The following DMD variants were observed in gnomAD, a reference collection of about 807,000 sequenced individuals.
The protein encoded by DMD is dystrophin.
A neutral mutation model predicts 330.1 loss-of-function variants in DMD; 63 were observed. The ratio of observed to expected loss-of-function variants is 0.19; its 90% CI spans 0.16 to 0.24. The LOEUF (loss-of-function observed/expected upper bound fraction) is 0.24, where lower values mean the gene tolerates loss of function less well. Among genes scored for constraint, DMD ranks in the 10% least tolerant of loss-of-function variants. DMD has a pLI of 1.00. For missense variants in DMD, 3,344 were observed against 2,684.1 expected (o/e 1.25, Z -5.43); for synonymous variants, 1,223 against 959.8 (o/e 1.27, Z -5.07).
chrX:32,100,424 G>A (rs2096534377), intron 44 of DMD, among the ~76,000 whole-genome samples: 1 of 107,352 alleles, frequency 9.3e-6, no homozygotes, highest in South Asian at 4.0e-4. Context: ...TACGGAAAAT[G>A]TAAATGCATT....
At chrX:31,526,896 G>A (rs1360061010) in intron 55 of DMD, among the ~76,000 whole-genome samples, 1 of 112,164 alleles carries the variant, frequency 8.9e-6, no homozygotes, top group East Asian at 2.8e-4. Context: ...GATCACTTCA[G>A]CCCAGGAATC....
At chrX:31,509,757 C>T (rs1016832995) in intron 55 of DMD, among the ~76,000 whole-genome samples, 11 of 111,850 alleles carry the variant, frequency 9.8e-5, no homozygotes, top group Non-Finnish European at 1.9e-4. Flanking sequence ...GTATTATCAA[C>T]AAATAAATGA....
intron 7 of DMD, among the ~76,000 whole-genome samples, chrX:32,731,206 G>A (rs2067581819): frequency 8.9e-6 from 1 of 112,257 alleles, no homozygotes; most frequent in Non-Finnish European, 1.9e-5. Flanking sequence ...TTTCCGACGG[G>A]CTTAAAAAAC....
At chrX:32,695,976 T>TG (rs775620507) in intron 9 of DMD, among the ~76,000 whole-genome samples, 1 of 112,101 alleles carries the variant, frequency 8.9e-6, no homozygotes, top group African/African-American at 3.2e-5. Context: ...AAAAGCCATT[T>TG]GTCTCTGTGA....
intron 12 of DMD, among the ~76,000 whole-genome samples, chrX:32,596,280 A>G (rs1458391115): frequency 1.0e-5 from 1 of 100,064 alleles, no homozygotes; most frequent in African/African-American, 3.7e-5. Flanking sequence ...CTACTGTCCT[A>G]TTATGTGTTC....
chrX:33,122,113 T>G (rs2095429047), intron 1 of DMD, among the ~76,000 whole-genome samples: 1 of 111,361 alleles, frequency 9.0e-6, no homozygotes, highest in Admixed American at 9.5e-5. Context: ...GTAATCCCAG[T>G]TACTGAGGAG....
chrX:33,269,481 G>A (rs910865469), intron 1 of DMD, among the ~76,000 whole-genome samples: 1 of 110,687 alleles, frequency 9.0e-6, no homozygotes, highest in East Asian at 2.9e-4. Context: ...CTACCTATTG[G>A]GTACTATGCT....
At chrX:31,640,124 A>G (rs2079646167) in intron 54 of DMD, among the ~76,000 whole-genome samples, 1 of 111,654 alleles carries the variant, frequency 9.0e-6, no homozygotes, top group Admixed American at 9.6e-5. Flanking sequence ...TGAATTAAAA[A>G]CAGCCAGCCC....
intron 12 of DMD, among the ~76,000 whole-genome samples, chrX:32,601,567 G>A (rs937042431): frequency 9.0e-6 from 1 of 111,630 alleles, no homozygotes; most frequent in Middle Eastern, 4.6e-3. Flanking sequence ...GACAATTAAT[G>A]TACTCCTACA....
At chrX:32,610,248 A>G (rs1175254381) in intron 12 of DMD, among the ~76,000 whole-genome samples, 1 of 111,408 alleles carries the variant, frequency 9.0e-6, no homozygotes, top group African/African-American at 3.2e-5. Context: ...GCAAACCTCT[A>G]AATTCTCTCC....
Position 31,209,550 on chromosome X carries a change from C to T in DMD, c.9511G>A (p.Val3171Ile), listed in dbSNP as rs1233921144. Residue 3171 changes from valine (V) to isoleucine (I), a missense_variant, in exon 65 of 79, where the codon GTC becomes ATC. Coordinates refer to ENST00000357033, the MANE Select transcript of DMD (RefSeq NM_004006.3). ...LEQEHNNLVN[V>I]PLCVDMCLNW... is the part of the protein sequence containing the mutation. ...AGACACATATCCACGCAGAGAGGGA[C>T]GTTGACCAAATTGTTGTGCTCTTGC... 3.3e-6 allele frequency: 4 copies of T among 1,211,268 alleles called. No homozygotes were observed. The highest frequency in any genetic ancestry group is 3.5e-5 in the South Asian group (2 of 56,926).
intron 45 of DMD, among the ~76,000 whole-genome samples, chrX:31,953,539 T>G (rs1266386916): frequency 1.8e-5 from 2 of 111,776 alleles, no homozygotes; most frequent in Non-Finnish European, 3.8e-5. Context: ...ATTTAGCATA[T>G]GCCGTTGGTT....
At chrX:32,661,505 T>C (rs1398432862) in intron 9 of DMD, among the ~76,000 whole-genome samples, 2 of 111,681 alleles carry the variant, frequency 1.8e-5, no homozygotes, top group South Asian at 7.3e-4. Flanking sequence ...TATTAACTTG[T>C]TGCCAGACTT....
intron 1 of DMD, among the ~76,000 whole-genome samples, chrX:33,117,275 C>T (rs150565315): frequency 0.029 from 3,212 of 110,689 alleles, 129 homozygotes; most frequent in African/African-American, 0.1. Context: ...GATGAGTAAG[C>T]TCTGGGGATC....
At chrX:32,491,793 A>C (rs1310314752) in intron 19 of DMD, among the ~76,000 whole-genome samples, 1 of 111,784 alleles carries the variant, frequency 8.9e-6, no homozygotes, top group Non-Finnish European at 1.9e-5. Flanking sequence ...ATTAAATAAA[A>C]ACTTAAATAA....
intron 27 of DMD, 49 bp downstream of exon 27, chrX:32,448,407 T>C: frequency 1.7e-6 from 2 of 1,178,731 alleles, no homozygotes; most frequent in Non-Finnish European, 2.3e-6. Flanking sequence ...GCCTCACATA[T>C]GACCATGTAT....
At chrX:31,738,065 A>C (rs1229377984) in intron 51 of DMD, among the ~76,000 whole-genome samples, 3 of 112,130 alleles carry the variant, frequency 2.7e-5, no homozygotes, top group Non-Finnish European at 5.6e-5. Flanking sequence ...TGCAGAAAAA[A>C]ACTGAGGCTA....
At chrX:32,772,345 C>G (rs750696894) in intron 7 of DMD, among the ~76,000 whole-genome samples, 7 of 112,494 alleles carry the variant, frequency 6.2e-5, no homozygotes, top group Non-Finnish European at 1.1e-4. Context: ...CTTTCCTAAC[C>G]TTTTCTTTCT....
chrX:31,146,272 G>A lies in DMD; in HGVS notation c.10921+19C>T. On this transcript the variant is annotated intron_variant, in intron 76 of 78. Transcript: ENST00000357033. Reference sequence around the variant, plus strand: ...CCTTTCTTCAGACAACAAAATCTGAGAGTAGCTAGGACACTTACCCATGGA... The same window carrying A: ...CCTTTCTTCAGACAACAAAATCTGAAAGTAGCTAGGACACTTACCCATGGA... 8.3e-7 allele frequency: 1 copy of A among 1,208,397 alleles called. No homozygotes were observed. Among genetic ancestry groups the A allele is most frequent in the Non-Finnish European group, 1.1e-6 (1 of 893,176 alleles).
Sources: allele counts gnomAD v4.1 joint callset (sites outside exome capture counted in the v4.1 genomes callset), GRCh38; gene constraint gnomAD v4.1.1; transcripts MANE v1.5; gene names NCBI Gene and HGNC (gene_info 2026-07-23, HGNC 2026-07-21).